The following BMERB1 variants were observed in gnomAD, a reference collection of about 807,000 sequenced individuals.
BMERB1 encodes bMERB domain-containing protein 1.
A neutral mutation model predicts 23.6 loss-of-function variants in BMERB1; 12 were observed. That is an observed-to-expected ratio of 0.51 (90% CI 0.33 to 0.82). BMERB1 has a LOEUF of 0.82. Ranked by LOEUF, BMERB1 falls within the 40% of genes least tolerant of loss-of-function variation. BMERB1 has a pLI of 0.03. For missense variants in BMERB1, 247 were observed against 255.4 expected (o/e 0.97, Z 0.22); for synonymous variants, 122 against 96.6 (o/e 1.26, Z -1.54).
At chr16:15,439,684 G>C (rs528876152) in intron 1 of BMERB1, among the ~76,000 whole-genome samples, 1 of 152,220 alleles carries the variant, frequency 6.6e-6, no homozygotes, top group East Asian at 1.9e-4. Flanking sequence ...TAGCAGGGAG[G>C]TTTTTTCCCC....
intron 1 of BMERB1, chr16:15,447,907 G>T (rs1179188334): frequency 2.2e-6 from 1 of 455,806 alleles, no homozygotes; most frequent in East Asian, 6.9e-5. Context: ...ATTTATTTTT[G>T]AGACAGAGTC....
intron 1 of BMERB1, among the ~76,000 whole-genome samples, chr16:15,492,007 C>T (rs73505554): frequency 0.024 from 3,685 of 152,190 alleles, 147 homozygotes; most frequent in African/African-American, 0.084. Context: ...TGGTGTGTGG[C>T]GGGCATGTTG....
chr16:15,524,751 A>G (rs2051890324), intron 2 of BMERB1, among the ~76,000 whole-genome samples: 1 of 152,204 alleles, frequency 6.6e-6, no homozygotes, highest in Admixed American at 6.5e-5. Flanking sequence ...AGCCTGGGTG[A>G]CAGAATGAGA....
chr16:15,521,745 A>C (rs1200926796), intron 2 of BMERB1, among the ~76,000 whole-genome samples: 1 of 152,190 alleles, frequency 6.6e-6, no homozygotes, highest in Non-Finnish European at 1.5e-5. Flanking sequence ...TTACTGGAAC[A>C]GGGCAGTAAC....
intron 1 of BMERB1, among the ~76,000 whole-genome samples, chr16:15,435,886 C>A (rs2050883570): frequency 6.6e-6 from 1 of 152,160 alleles, no homozygotes; most frequent in Admixed American, 6.5e-5. Flanking sequence ...GGTTCATGGG[C>A]TAGGATGGAT....
chr16:15,538,673 T>G (rs1393518138), intron 2 of BMERB1, among the ~76,000 whole-genome samples: 2 of 152,116 alleles, frequency 1.3e-5, no homozygotes, highest in Admixed American at 6.5e-5. Flanking sequence ...GTGATTAAAT[T>G]CGGAAAGCTT....
chr16:15,546,992 T>G (rs1222739351), intron 2 of BMERB1, among the ~76,000 whole-genome samples: 1 of 151,454 alleles, frequency 6.6e-6, no homozygotes, highest in Non-Finnish European at 1.5e-5. Flanking sequence ...AGCCTTTGTA[T>G]AAGGGCACTG....
chr16:15,497,260 A>T (rs2051482358), intron 1 of BMERB1, among the ~76,000 whole-genome samples: 1 of 152,242 alleles, frequency 6.6e-6, no homozygotes, highest in South Asian at 2.1e-4. Flanking sequence ...TCAAGGGTTT[A>T]TACAGCAGGG....
chr16:15,469,163 A>G (rs1193091723), intron 1 of BMERB1, among the ~76,000 whole-genome samples: 2 of 151,732 alleles, frequency 1.3e-5, no homozygotes, highest in Admixed American at 6.6e-5. Context: ...ACAGGGTTTC[A>G]CCATGCTGGC....
intron 2 of BMERB1, among the ~76,000 whole-genome samples, chr16:15,534,481 G>A (rs1015843753): frequency 1.1e-4 from 17 of 151,942 alleles, no homozygotes; most frequent in African/African-American, 3.9e-4. Flanking sequence ...TTGAACCCGG[G>A]AGGAAGACGT....
intron 2 of BMERB1, among the ~76,000 whole-genome samples, chr16:15,558,536 G>T (rs1477072115): frequency 6.6e-6 from 1 of 152,108 alleles, no homozygotes; most frequent in South Asian, 2.1e-4. Flanking sequence ...CACAGGTTCA[G>T]TTGAAGGGTC....
At chr16:15,585,496 C>T (rs1307329285) in intron 5 of BMERB1, among the ~76,000 whole-genome samples, 1 of 152,062 alleles carries the variant, frequency 6.6e-6, no homozygotes, top group African/African-American at 2.4e-5. Flanking sequence ...ACAGTATTCT[C>T]ACAGAAAAAA....
chr16:15,587,779 C>CT lies in BMERB1; in HGVS notation c.*951dup. On this transcript the variant is annotated 3_prime_UTR_variant, in exon 6 of 6. Coordinates refer to ENST00000300006, the MANE Select transcript of BMERB1 (RefSeq NM_033201.3). ...CCCGTCATTGGGTGGCATATGTTAA[C>CT]TAGCTGCCAAACAACTTCAACCCGT... 1 of 276,530 alleles carries CT rather than the reference C, an allele frequency of 3.6e-6. No individual in the cohort carries two copies. The highest frequency in any genetic ancestry group is 7.5e-6 in the Non-Finnish European group (1 of 133,804). The allele number at this position is 276,530 out of a possible 1,614,324, so 17.1% of individuals were successfully genotyped here.
intron 1 of BMERB1, among the ~76,000 whole-genome samples, chr16:15,498,741 C>G (rs558743020): frequency 6.6e-6 from 1 of 152,294 alleles, no homozygotes; most frequent in East Asian, 1.9e-4. Flanking sequence ...GACTCTGAGT[C>G]TAAACCCGTG....
At chr16:15,541,018 C>T (rs1018595888) in intron 2 of BMERB1, among the ~76,000 whole-genome samples, 8 of 152,040 alleles carry the variant, frequency 5.3e-5, no homozygotes, top group Admixed American at 1.3e-4. Flanking sequence ...CACCAGACTG[C>T]CCCTATCTCA....
At chr16:15,491,852 C>G (rs1010155848) in intron 1 of BMERB1, among the ~76,000 whole-genome samples, 1 of 152,234 alleles carries the variant, frequency 6.6e-6, no homozygotes, top group African/African-American at 2.4e-5. Flanking sequence ...GGATCAATCA[C>G]TGTCTACCCC....
chr16:15,494,977 G>A (rs2051459811), intron 1 of BMERB1, among the ~76,000 whole-genome samples: 1 of 140,478 alleles, frequency 7.1e-6, no homozygotes, highest in Admixed American at 7.6e-5. Flanking sequence ...TCTGCCTCCC[G>A]GGTTTAAGTG....
At chr16:15,581,174 C>T (rs2031004630) in intron 3 of BMERB1, 43 bp from the exon 4 acceptor site, 3 of 1,500,928 alleles carry the variant, frequency 2.0e-6, no homozygotes, top group South Asian at 2.4e-5. Context: ...ACCTCAGCCT[C>T]CCAAAATGCT....
intron 1 of BMERB1, among the ~76,000 whole-genome samples, chr16:15,480,606 CTTTTTTTTTTT>C (rs1159247360): frequency 3.4e-5 from 2 of 58,962 alleles, no homozygotes; most frequent in African/African-American, 1.3e-4. Flanking sequence ...ATTCCACTGT[CTTTTTTTTTTT>C]TTTTTTTTTT....
Sources: gnomAD v4.1 joint callset for allele counts (sites outside exome capture counted in the v4.1 genomes callset) on GRCh38, gnomAD v4.1.1 for gene constraint, MANE v1.5 for transcripts, NCBI Gene and HGNC (gene_info 2026-07-23, HGNC 2026-07-21) for gene names.